DLGAP2: variants seen among roughly 807,000 people sequenced by gnomAD.
DLGAP2 encodes disks large-associated protein 2.
DLGAP2 carries 26 observed loss-of-function variants against 100.3 expected under a neutral mutation model. That is an observed-to-expected ratio of 0.26 (90% CI 0.19 to 0.36). DLGAP2 has a LOEUF of 0.36. Ranked by LOEUF, DLGAP2 falls within the 10% of genes least tolerant of loss-of-function variation. DLGAP2 has a pLI of 1.00. For missense variants in DLGAP2, 1,858 were observed against 1,453.2 expected (o/e 1.28, Z -4.53); for synonymous variants, 886 against 630.1 (o/e 1.41, Z -6.08).
chr8:920,821 A>G (rs922232982), intron 2 of DLGAP2, among the ~76,000 whole-genome samples: 2 of 152,194 alleles, frequency 1.3e-5, no homozygotes. Flanking sequence ...AATAATTGCA[A>G]AAATGATTTT....
At chr8:1,364,110 G>A (rs909589169) in intron 3 of DLGAP2, among the ~76,000 whole-genome samples, 48 of 152,230 alleles carry the variant, frequency 3.2e-4, no homozygotes, top group African/African-American at 1.1e-3. Context: ...CACAGCTCTC[G>A]GCCCCACCCA....
intron 2 of DLGAP2, among the ~76,000 whole-genome samples, chr8:925,213 C>T (rs1243976374): frequency 2.6e-5 from 4 of 152,250 alleles, no homozygotes; most frequent in Admixed American, 6.5e-5. Flanking sequence ...TCAAGCTATC[C>T]TCCCATCTCA....
intron 3 of DLGAP2, among the ~76,000 whole-genome samples, chr8:1,446,915 A>G: frequency 6.6e-6 from 1 of 152,180 alleles, no homozygotes; most frequent in East Asian, 1.9e-4. Context: ...GTGTATAAGA[A>G]TGCTTGTGAT....
At chr8:1,312,580 A>G (rs561479610) in intron 3 of DLGAP2, among the ~76,000 whole-genome samples, 3 of 152,232 alleles carry the variant, frequency 2.0e-5, no homozygotes, top group Non-Finnish European at 4.4e-5. Context: ...TAGAGGTTCT[A>G]TTTGGACATG....
At chr8:1,279,096 G>T (rs1799764305) in intron 3 of DLGAP2, among the ~76,000 whole-genome samples, 1 of 152,204 alleles carries the variant, frequency 6.6e-6, no homozygotes, top group African/African-American at 2.4e-5. Flanking sequence ...GAACAAAATA[G>T]TATTTTTCTA....
intron 3 of DLGAP2, among the ~76,000 whole-genome samples, chr8:1,287,282 GGTTGTTAGGAGGGGAA>G (rs1799946639): frequency 4.9e-5 from 5 of 101,670 alleles, no homozygotes; most frequent in African/African-American, 2.1e-4. Context: ...GTGTGTGTGT[GGTTGTTAGGAGGGGAA>G]CTAGTTTCGG....
chr8:1,087,043 T>C (rs1201092823), intron 2 of DLGAP2, among the ~76,000 whole-genome samples: 3 of 152,148 alleles, frequency 2.0e-5, no homozygotes, highest in Non-Finnish European at 4.4e-5. Context: ...AAGATTGAAA[T>C]CATATCAAGT....
intron 6 of DLGAP2, among the ~76,000 whole-genome samples, chr8:1,614,801 G>A (rs1797096454): frequency 2.6e-5 from 4 of 152,254 alleles, no homozygotes; most frequent in Admixed American, 2.6e-4. Flanking sequence ...TCATACAGAT[G>A]ACAGCCATGA....
intron 2 of DLGAP2, among the ~76,000 whole-genome samples, chr8:933,525 CACCTG>C (rs1340643026): frequency 8.4e-6 from 1 of 118,848 alleles, no homozygotes; most frequent in African/African-American, 3.3e-5. Context: ...GCTGTGGAGA[CACCTG>C]GCCGTGGGCA....
chr8:1,592,439 A>G (rs1796320150), intron 6 of DLGAP2, among the ~76,000 whole-genome samples: 1 of 151,926 alleles, frequency 6.6e-6, no homozygotes, highest in African/African-American at 2.4e-5. Flanking sequence ...TTCTGCTTGG[A>G]AAGGGCTCCC....
chr8:1,629,993 A>G (rs1294500990), intron 7 of DLGAP2, among the ~76,000 whole-genome samples: 4 of 152,194 alleles, frequency 2.6e-5, no homozygotes, highest in African/African-American at 9.7e-5. Context: ...GTCTATCTGA[A>G]AGGATTCATC....
chr8:1,109,988 G>C (rs1245002731), intron 2 of DLGAP2, among the ~76,000 whole-genome samples: 1 of 116,418 alleles, frequency 8.6e-6, no homozygotes, highest in South Asian at 3.5e-4. Flanking sequence ...GGTCTGTGAG[G>C]TGTGCATGGG....
At chr8:872,966 C>A (rs182733998) in intron 1 of DLGAP2, among the ~76,000 whole-genome samples, 31 of 152,322 alleles carry the variant, frequency 2.0e-4, no homozygotes, top group African/African-American at 4.8e-4. Context: ...CTACACACAT[C>A]CTCCTGCATA....
intron 1 of DLGAP2, among the ~76,000 whole-genome samples, chr8:784,098 T>C (rs1404621208): frequency 1.3e-5 from 2 of 152,216 alleles, no homozygotes; most frequent in African/African-American, 4.8e-5. Flanking sequence ...TGAACCCAGC[T>C]TTCTTTCACT....
intron 3 of DLGAP2, among the ~76,000 whole-genome samples, chr8:1,434,362 G>C (rs547064379): frequency 6.6e-6 from 1 of 152,200 alleles, no homozygotes; most frequent in Non-Finnish European, 1.5e-5. Context: ...CTCACGTGCA[G>C]ACAGCAAGCA....
chr8:1,683,903 CAT>C (rs558611584), intron 12 of DLGAP2, among the ~76,000 whole-genome samples: 5 of 78,392 alleles, frequency 6.4e-5, no homozygotes, highest in South Asian at 5.0e-4. Context: ...TGTGTATACA[CAT>C]ATATGTGTAT....
rs550327463 is a variant in DLGAP2 at position 1,691,741 on chromosome 8, C to T, written c.2796+115C>T. 489 of 921,854 alleles carry T rather than the reference C, an allele frequency of 5.3e-4. 1 individual carries two copies. The highest frequency in any genetic ancestry group is 7.3e-4 in the Non-Finnish European group (440 of 600,466). 57.1% of individuals were successfully genotyped at this position (921,854 alleles called of 1,614,324 possible). ...GAGTTCCCATCGGTATGCGGAATAT[C>T]ACGTGCACTTACTACAGAAGAGGCT... On this transcript the variant is annotated intron_variant, in intron 13 of 14. Transcript: ENST00000637795.
intron 3 of DLGAP2, among the ~76,000 whole-genome samples, chr8:1,415,274 C>T (rs1257080368): frequency 6.6e-6 from 1 of 152,174 alleles, no homozygotes; most frequent in African/African-American, 2.4e-5. Flanking sequence ...TTTCTTATGA[C>T]TTTCTCTAGT....
At chr8:864,939 A>G (rs1291018841) in intron 1 of DLGAP2, among the ~76,000 whole-genome samples, 1 of 152,220 alleles carries the variant, frequency 6.6e-6, no homozygotes, top group African/African-American at 2.4e-5. Flanking sequence ...AGTTAAATGT[A>G]TTCTTAGATA....
Sources: gnomAD v4.1 joint callset for allele counts (sites outside exome capture counted in the v4.1 genomes callset) on GRCh38, gnomAD v4.1.1 for gene constraint, MANE v1.5 for transcripts, NCBI Gene and HGNC (gene_info 2026-07-23, HGNC 2026-07-21) for gene names.